C15orf40: variants seen among roughly 807,000 people sequenced by gnomAD.
C15orf40 encodes UPF0235 protein C15orf40.
Under a neutral mutation model 13.9 loss-of-function variants are expected in C15orf40, and 9 were observed. That is an observed-to-expected ratio of 0.65 (90% CI 0.39 to 1.13). C15orf40 has a LOEUF of 1.13. Ranked by LOEUF, C15orf40 falls within the 50% of genes most tolerant of loss-of-function variation. C15orf40 has a pLI of 0.01. For synonymous variants in C15orf40, 95 were observed against 69.2 expected, an observed-to-expected ratio of 1.37 and a Z score of -1.85; for missense variants, 225 against 188.5, an observed-to-expected ratio of 1.19 and a Z score of -1.13.
rs1320039244 is a variant in C15orf40 at position 82,996,969 on chromosome 15, G to A, written c.*8628C>T. 5 of 150,196 alleles carry A rather than the reference G, an allele frequency of 3.3e-5. No homozygotes were observed. The highest frequency in any genetic ancestry group is 6.6e-5 in the Admixed American group (1 of 15,100). The allele number at this position is 150,196 out of a possible 1,614,324, so 9.3% of individuals were successfully genotyped here. ...GGAGGCGGAGGTTGCAGTGAGCCAA[G>A]ATTGAACCACTGCACTCCAGCCTAG... On this transcript the variant is annotated 3_prime_UTR_variant, in exon 4 of 4. Transcript: ENST00000304177.
intron 3 of C15orf40, among the ~76,000 whole-genome samples, chr15:83,006,717 G>C (rs1048685168): frequency 1.3e-5 from 2 of 152,232 alleles, no homozygotes; most frequent in African/African-American, 4.8e-5. Flanking sequence ...AGTGAGCCGA[G>C]ATTGCGCCAT....
chr15:83,010,578 C>A (rs1207027999), intron 1 of C15orf40: 1 of 496,546 alleles, frequency 2.0e-6, no homozygotes, highest in Non-Finnish European at 3.6e-6. Flanking sequence ...AGTGTTTTTT[C>A]CCCCCTTGCA....
downstream of C15orf40, chr15:82,991,821 G>A (rs2030873711): frequency 8.5e-7 from 1 of 1,169,984 alleles, no homozygotes; most frequent in Non-Finnish European, 1.1e-6. Flanking sequence ...AGAAGCCAGT[G>A]CTGTTATATA....
chr15:83,002,983 TG>T lies in C15orf40; in HGVS notation c.*2613del, dbSNP rs201073632. The T allele has an allele frequency of 0.011, 1,652 of 152,210 alleles. 9 individuals carry two copies. The highest frequency in any genetic ancestry group is 0.017 in the Non-Finnish European group (1,126 of 68,046). 9.4% of individuals were successfully genotyped at this position (152,210 alleles called of 1,614,324 possible). A position where few individuals can be genotyped will look rare whatever the true frequency, so the allele number is the denominator to read the frequency against. ...TCTGCCACTATGCCCAGGTAACTTT[TG>T]TATTTTTAGTAGAGACGGGGTTTCA... On this transcript the variant is annotated 3_prime_UTR_variant, in exon 4 of 4. Transcript: ENST00000304177.
At chr15:83,006,912 C>T (rs867390335) in intron 3 of C15orf40, among the ~76,000 whole-genome samples, 12 of 152,136 alleles carry the variant, frequency 7.9e-5, no homozygotes, top group Admixed American at 7.9e-4. Flanking sequence ...GAGCACTAGC[C>T]AAAAATCAGA....
downstream of C15orf40, chr15:82,990,760 AACATAGCAGGTCAAAATTCAC>A: frequency 1.1e-6 from 1 of 929,314 alleles, no homozygotes; most frequent in Non-Finnish European, 1.7e-6. Context: ...TTTTGCTAAC[AACATAGCAGGTCAAAATTCAC>A]ACATAAGAAA....
chr15:82,997,123 T>C lies in C15orf40; in HGVS notation c.*8474A>G, dbSNP rs938894648. Reference sequence around the variant, plus strand: ...ACTGTTCTCTATCTTGCCTTCTAAATTTCATACCGTTTTCAGCCTCTTCTC... The same window carrying C: ...ACTGTTCTCTATCTTGCCTTCTAAACTTCATACCGTTTTCAGCCTCTTCTC... On this transcript the variant is annotated 3_prime_UTR_variant, in exon 4 of 4. Transcript: ENST00000304177. 2.0e-5 allele frequency: 3 copies of C among 150,352 alleles called. No individual in the cohort carries two copies. Among genetic ancestry groups the C allele is most frequent in the African/African-American group, 7.3e-5 (3 of 41,196 alleles). 9.3% of individuals were successfully genotyped at this position (150,352 alleles called of 1,614,324 possible).
chr15:82,989,107 T>C (rs141691714), downstream of C15orf40: 3 of 1,613,964 alleles, frequency 1.9e-6, no homozygotes, highest in Non-Finnish European at 2.5e-6. Flanking sequence ...CAGGAATACC[T>C]GAAACGCCCT....
chr15:83,005,132 A>G lies in C15orf40; in HGVS notation c.*465T>C. The G allele has an allele frequency of 2.8e-6, 3 of 1,084,336 alleles. No homozygotes were observed. Among genetic ancestry groups the G allele is most frequent in the Non-Finnish European group, 3.4e-6 (3 of 880,294 alleles). The allele number at this position is 1,084,336 out of a possible 1,614,324, so 67.2% of individuals were successfully genotyped here. ...GGGATTTTAGAACCTGATGCAATGT[A>G]TAGCACTTTTTAAATTTCTACTTTT... On this transcript the variant is annotated 3_prime_UTR_variant, in exon 4 of 4. Coordinates refer to ENST00000304177, the MANE Select transcript of C15orf40 (RefSeq NM_144597.3).
At chr15:83,009,837 G>A (rs544584828) in intron 2 of C15orf40, among the ~76,000 whole-genome samples, 3 of 152,206 alleles carry the variant, frequency 2.0e-5, no homozygotes, top group Non-Finnish European at 4.4e-5. Context: ...AACTGATCAC[G>A]GGTCTCAGAT....
At chr15:83,009,292 T>C (rs992082831) in intron 2 of C15orf40, among the ~76,000 whole-genome samples, 1 of 152,226 alleles carries the variant, frequency 6.6e-6, no homozygotes, top group African/African-American at 2.4e-5. Context: ...TATGAAGATA[T>C]TAGTACCATT....
chr15:83,011,552 C>G lies in C15orf40; in HGVS notation c.56G>C (p.Gly19Ala). 6.2e-7 allele frequency: 1 copy of G among 1,606,768 alleles called. No homozygotes were observed. ...RHLRATPNTR[G>A]SARLLCAEMP... ...CTCGGCGCAAAGAAGCCGAGCGGAG[C>G]CCCGAGTATTGGGTGTTGCCCGAAG... The change falls in exon 1 of 4, where the codon GGC (glycine) becomes GCC (alanine). Residue 19 changes from glycine to alanine, a missense_variant. Physicochemically the swap from Gly to Ala is moderately conservative, Grantham distance 60 (BLOSUM62 0). Transcript: ENST00000304177.
At position 82,998,093 on chromosome 15, in the gene C15orf40, C is replaced by T. The variant is rs2031209039; in HGVS notation, c.*7504G>A. ...CGGGGTGGCTGGCCGGGCTGAGGGG[C>T]TCCTCACTTCCCAGTAGGGGCGGCC... On this transcript the variant is annotated 3_prime_UTR_variant, in exon 4 of 4. Coordinates refer to ENST00000304177, the MANE Select transcript of C15orf40 (RefSeq NM_144597.3). 1 of 128,778 alleles carries T rather than the reference C, an allele frequency of 7.8e-6. No homozygotes were observed. The highest frequency in any genetic ancestry group is 1.7e-5 in the Non-Finnish European group (1 of 59,558). 8.0% of individuals were successfully genotyped at this position (128,778 alleles called of 1,614,324 possible).
Position 83,001,379 on chromosome 15 carries a change from G to T in C15orf40, c.*4218C>A. 1.2e-6 allele frequency: 1 copy of T among 832,722 alleles called. No individual in the cohort carries two copies. Among genetic ancestry groups the T allele is most frequent in the Non-Finnish European group, 1.4e-6 (1 of 690,854 alleles). 51.6% of individuals were successfully genotyped at this position (832,722 alleles called of 1,614,324 possible). A position where few individuals can be genotyped will look rare whatever the true frequency, so the allele number is the denominator to read the frequency against. ...GCACAAGTAATTATCATTTATTAAG[G>T]TGCGGGTGATAGATGACAGATGCAG... On this transcript the variant is annotated 3_prime_UTR_variant, in exon 4 of 4. Coordinates refer to ENST00000304177, the MANE Select transcript of C15orf40 (RefSeq NM_144597.3).
chr15:83,011,588 C>G lies in C15orf40; in HGVS notation c.20G>C (p.Gly7Ala). Reference protein sequence around the residue: MLRLRSGLRHLRATPNT... With the variant: MLRLRSALRHLRATPNT... ...GGGTGTTGCCCGAAGGTGCCTCAGC[C>G]CGCTGCGGAGCCGCAGCATCCCCGC... The change falls in exon 1 of 4, where the codon GGG (glycine) becomes GCG (alanine). Residue 7 changes from glycine (G) to alanine (A), a missense_variant. By Grantham distance (60) the Gly-to-Ala change is moderately conservative. Transcript: ENST00000304177. 2 of 1,592,530 alleles carry G rather than the reference C, an allele frequency of 1.3e-6. No homozygotes were observed. Among genetic ancestry groups the G allele is most frequent in the Non-Finnish European group, 8.5e-7 (1 of 1,173,610 alleles).
rs755695302 is a variant in C15orf40, at chr15:83,010,305, A to G, written c.170T>C (p.Val57Ala). The G allele has an allele frequency of 4.3e-6, 7 of 1,614,232 alleles. No individual in the cohort carries two copies. In the Admixed American group the frequency reaches 1.0e-4, roughly 23 times the overall value. Residue 57 changes from valine (V) to alanine (A), a missense_variant, in exon 2 of 4, where the codon GTT becomes GCT. Physicochemically the swap from Val to Ala is moderately conservative, Grantham distance 64. Coordinates refer to ENST00000304177, the MANE Select transcript of C15orf40 (RefSeq NM_144597.3). ...TATGGTGACGCATCCTTTAGGATCA[A>G]CTGCCACAGGACCTAAGGGAGGAAG... ...RPLPPLGPVAVDPKGCVTIAI... is the reference protein window; with the variant it reads ...RPLPPLGPVAADPKGCVTIAI...
At position 82,995,380 on chromosome 15, in the gene C15orf40, C is replaced by CTG; in HGVS notation, c.*10216_*10217insCA. The CTG allele has an allele frequency of 6.6e-6, 1 of 152,264 alleles. No individual in the cohort carries two copies. Among genetic ancestry groups the CTG allele is most frequent in the South Asian group, 2.1e-4 (1 of 4,830 alleles). The allele number at this position is 152,264 out of a possible 1,614,324, so 9.4% of individuals were successfully genotyped here. On this transcript the variant is annotated 3_prime_UTR_variant, in exon 4 of 4. Transcript: ENST00000304177. ...TCTTGCTTCTGAGGAATTCAATTAT[C>CTG]AGTGCTGTCAGATTAGAAAAGTGGA...
intron 1 of C15orf40, 77 bp downstream of exon 1, chr15:83,011,420 G>A: frequency 6.8e-7 from 1 of 1,468,218 alleles, no homozygotes; most frequent in Non-Finnish European, 9.1e-7. Context: ...ACTCACTCCC[G>A]GGCCCCGCTT....
At position 83,000,185 on chromosome 15, in the gene C15orf40, A is replaced by C. The variant is rs1359524627; in HGVS notation, c.*5412T>G. The C allele has an allele frequency of 6.6e-6, 1 of 152,210 alleles. No homozygotes were observed. Among genetic ancestry groups the C allele is most frequent in the Non-Finnish European group, 1.5e-5 (1 of 68,042 alleles). 9.4% of individuals were successfully genotyped at this position (152,210 alleles called of 1,614,324 possible). A position where few individuals can be genotyped will look rare whatever the true frequency, so the allele number is the denominator to read the frequency against. On this transcript the variant is annotated 3_prime_UTR_variant, in exon 4 of 4. Transcript: ENST00000304177. ...TTTCCCAAAGGGACAGAATGTTCTCACTAGCAGATCCCACTATACAGTCTA... is the reference window on the plus strand; with the variant it reads ...TTTCCCAAAGGGACAGAATGTTCTCCCTAGCAGATCCCACTATACAGTCTA...
Sources: gnomAD v4.1 joint callset for allele counts (sites outside exome capture counted in the v4.1 genomes callset) on GRCh38, gnomAD v4.1.1 for gene constraint, MANE v1.5 for transcripts, NCBI Gene and HGNC (gene_info 2026-07-23, HGNC 2026-07-21) for gene names.